The following VSTM4 variants were observed in gnomAD, a reference collection of about 807,000 sequenced individuals.
The protein encoded by VSTM4 is V-set and transmembrane domain containing 4, also known as V-set and transmembrane domain-containing protein 4.
Under a neutral mutation model 36.4 loss-of-function variants are expected in VSTM4, and 20 were observed. The observed-to-expected ratio is 0.55, with a 90% CI of 0.39 to 0.80. The LOEUF is 0.80. Among genes scored for constraint, VSTM4 ranks in the 30% least tolerant of loss-of-function variants. VSTM4 has a pLI of 0.00. For synonymous variants in VSTM4, 182 were observed against 173.9 expected (o/e 1.05, Z -0.37); for missense variants, 392 against 404.5 (o/e 0.97, Z 0.26).
At chr10:49,061,511 A>T (rs1445521894) in intron 5 of VSTM4, among the ~76,000 whole-genome samples, 2 of 152,138 alleles carry the variant, frequency 1.3e-5, no homozygotes. Context: ...CTATAGATTT[A>T]GCTATTTCTT....
chr10:49,034,241 C>T lies in VSTM4; in HGVS notation c.837+12742G>A, dbSNP rs117568217. Among the ~76,000 whole-genome samples, 620 of 152,224 alleles carry T rather than the reference C, an allele frequency of 4.1e-3. 4 individuals are homozygous for T. The highest frequency in any genetic ancestry group is 0.012 in the South Asian group (58 of 4,822). On this transcript the variant is annotated intron_variant, in intron 7 of 7. Transcript: ENST00000332853. ...ACTATCACCATCATCATTATCACCA[C>T]TATCATCACCATCATCAGTACCATC... is the stretch of plus-strand genomic sequence containing the variant.
chr10:49,035,044 C>G (rs1843406327), intron 7 of VSTM4, among the ~76,000 whole-genome samples: 1 of 152,234 alleles, frequency 6.6e-6, no homozygotes, highest in Non-Finnish European at 1.5e-5. Context: ...GAGGGACAGT[C>G]TCTGCAGGCA....
intron 6 of VSTM4, 34 bp downstream of exon 6, chr10:49,048,444 T>C (rs1341788336): frequency 1.9e-6 from 3 of 1,546,542 alleles, no homozygotes; most frequent in Non-Finnish European, 2.6e-6. Context: ...ATAATGATAG[T>C]TTCCAGGTAA....
At chr10:49,038,803 T>A (rs977807318) in intron 7 of VSTM4, among the ~76,000 whole-genome samples, 1 of 151,954 alleles carries the variant, frequency 6.6e-6, no homozygotes, top group African/African-American at 2.4e-5. Flanking sequence ...AGGACCCCCG[T>A]TAGGGGACCA....
intron 4 of VSTM4, among the ~76,000 whole-genome samples, chr10:49,072,281 C>T (rs1399760094): frequency 1.3e-5 from 2 of 152,110 alleles, no homozygotes; most frequent in Admixed American, 6.5e-5. Context: ...CACTGTCAGC[C>T]CCATGGCCCA....
At chr10:49,051,664 G>C (rs1843700610) in intron 5 of VSTM4, among the ~76,000 whole-genome samples, 3 of 152,156 alleles carry the variant, frequency 2.0e-5, no homozygotes, top group Admixed American at 2.0e-4. Context: ...CCAAAGTGCT[G>C]GGATTACAGG....
At chr10:49,096,142 C>T (rs942487537) in intron 2 of VSTM4, among the ~76,000 whole-genome samples, 9 of 152,132 alleles carry the variant, frequency 5.9e-5, no homozygotes, top group African/African-American at 1.7e-4. Flanking sequence ...AATCTCATTC[C>T]TCATTATCTG....
At chr10:49,083,284 C>G (rs376660430) in intron 3 of VSTM4, among the ~76,000 whole-genome samples, 1 of 152,224 alleles carries the variant, frequency 6.6e-6, no homozygotes, top group East Asian at 1.9e-4. Flanking sequence ...CTCACTCCAG[C>G]ATCTCACAAA....
chr10:49,080,018 T>C (rs1320731060), intron 3 of VSTM4, among the ~76,000 whole-genome samples: 1 of 152,234 alleles, frequency 6.6e-6, no homozygotes, highest in Non-Finnish European at 1.5e-5. Context: ...CATATTAATA[T>C]ATCAGCAATG....
intron 4 of VSTM4, among the ~76,000 whole-genome samples, chr10:49,072,034 G>A (rs1310387062): frequency 6.6e-6 from 1 of 152,206 alleles, no homozygotes; most frequent in Non-Finnish European, 1.5e-5. Context: ...GACAGAATAT[G>A]TTATATTTGA....
At chr10:49,101,250 C>A (rs1438109926) in intron 2 of VSTM4, among the ~76,000 whole-genome samples, 2 of 151,880 alleles carry the variant, frequency 1.3e-5, no homozygotes, top group African/African-American at 2.4e-5. Context: ...ACATAAATAT[C>A]CAGAAATGTG....
intron 5 of VSTM4, among the ~76,000 whole-genome samples, chr10:49,050,062 A>AG (rs11400288): frequency 0.8 from 122,075 of 152,126 alleles, 50,661 homozygotes; most frequent in Non-Finnish European, 0.92. Flanking sequence ...TTCCATCAGC[A>AG]GGGACTAGTT....
intron 2 of VSTM4, among the ~76,000 whole-genome samples, chr10:49,092,892 A>G (rs1844501690): frequency 6.6e-6 from 1 of 152,166 alleles, no homozygotes; most frequent in Non-Finnish European, 1.5e-5. Flanking sequence ...GTATGTAGGC[A>G]GGACATCGAC....
Position 49,051,376 on chromosome 10 carries a change from T to C in VSTM4, c.669-2792A>G, listed in dbSNP as rs563538333. Among the ~76,000 whole-genome samples, 4 of 151,688 alleles carry C rather than the reference T, an allele frequency of 2.6e-5. No homozygotes were observed. The East Asian group carries it at 7.7e-4, about 29-fold the overall frequency. On this transcript the variant is annotated intron_variant, in intron 5 of 7. Transcript: ENST00000332853. ...CCCTTCCTCCGTGACTTCTCATGGCTTGACAGCTCATTTCTTTTTTTTTTT... is the reference window on the plus strand; with the variant it reads ...CCCTTCCTCCGTGACTTCTCATGGCCTGACAGCTCATTTCTTTTTTTTTTT...
chr10:49,050,416 G>A (rs1199293834), intron 5 of VSTM4, among the ~76,000 whole-genome samples: 1 of 152,178 alleles, frequency 6.6e-6, no homozygotes, highest in Non-Finnish European at 1.5e-5. Flanking sequence ...GGTAATAAGA[G>A]ATAGGCTATT....
At position 49,105,213 on chromosome 10, in the gene VSTM4, CAG is replaced by C. The variant is rs376193769; in HGVS notation, c.457+2379_457+2380del. 6.4e-3 allele frequency among the ~76,000 whole-genome samples: 754 copies of C among 117,122 alleles called. 2 individuals are homozygous for C. Among genetic ancestry groups the C allele is most frequent in the East Asian group, 0.023 (74 of 3,272 alleles). 76.8% of individuals were successfully genotyped at this position (117,122 alleles called of 152,430 possible). A position where few individuals can be genotyped will look rare whatever the true frequency, so the allele number is the denominator to read the frequency against. ...AGAGAGAGAGGGAGAGACAGAGAGACAGAGAGAGAGAGAGAGAGAGAGACAGA... is the reference window on the plus strand; with the variant it reads ...AGAGAGAGAGGGAGAGACAGAGAGACAGAGAGAGAGAGAGAGAGAGACAGA... On this transcript the variant is annotated intron_variant, in intron 2 of 7. Coordinates refer to ENST00000332853, the MANE Select transcript of VSTM4 (RefSeq NM_001031746.5).
At chr10:49,055,038 C>G (rs1428106339) in intron 5 of VSTM4, among the ~76,000 whole-genome samples, 1 of 152,218 alleles carries the variant, frequency 6.6e-6, no homozygotes, top group Non-Finnish European at 1.5e-5. Flanking sequence ...GCCCCTCCTC[C>G]TGGGCACAAA....
chr10:49,053,662 G>A (rs1037756323), intron 5 of VSTM4, among the ~76,000 whole-genome samples: 11 of 152,326 alleles, frequency 7.2e-5, no homozygotes, highest in African/African-American at 2.6e-4. Context: ...GTACTACCCA[G>A]GGAGGATGAT....
At chr10:49,113,872 T>C (rs891551654) in intron 1 of VSTM4, among the ~76,000 whole-genome samples, 1 of 152,058 alleles carries the variant, frequency 6.6e-6, no homozygotes, top group African/African-American at 2.4e-5. Flanking sequence ...GCTCTTATCA[T>C]CCTCCAGGGC....
Sources: allele counts gnomAD v4.1 joint callset (sites outside exome capture counted in the v4.1 genomes callset), GRCh38; gene constraint gnomAD v4.1.1; transcripts MANE v1.5; gene names NCBI Gene and HGNC (gene_info 2026-07-23, HGNC 2026-07-21).